CACNA1I: variants seen among roughly 807,000 people sequenced by gnomAD.
CACNA1I encodes voltage-dependent T-type calcium channel subunit alpha-1I.
In CACNA1I, 74 loss-of-function variants were observed where a neutral mutation model predicts 201.6. The observed-to-expected ratio is 0.37, with a 90% CI of 0.30 to 0.45. The LOEUF (loss-of-function observed/expected upper bound fraction) is 0.45, where lower values mean the gene tolerates loss of function less well. CACNA1I is among the 20% of genes least tolerant of loss of function. The pLI is 1.00. For synonymous variants in CACNA1I, 1,431 were observed against 1,345.2 expected, an observed-to-expected ratio of 1.06 and a Z score of -1.40; for missense variants, 2,346 against 3,138.1, an observed-to-expected ratio of 0.75 and a Z score of 6.03.
At chr22:39,674,610 C>T (rs1173739043) in intron 29 of CACNA1I, among the ~76,000 whole-genome samples, 1 of 152,142 alleles carries the variant, frequency 6.6e-6, no homozygotes, top group Non-Finnish European at 1.5e-5. Flanking sequence ...GTGATCAGGG[C>T]CACAGAGGGC....
chr22:39,634,484 T>G, intron 4 of CACNA1I, 81 bp from the exon 5 acceptor site: 2 of 1,392,988 alleles, frequency 1.4e-6, no homozygotes, highest in Non-Finnish European at 2.0e-6. Flanking sequence ...CCCTCCCTGT[T>G]TCTCTAACCT....
chr22:39,659,314 A>C lies in CACNA1I; in HGVS notation c.2331-119A>C. ...TCAGTGTTCATCTCTGTAAAATGGG[A>C]CCAACGCTGCCCCGCCTCCCCCTGC... On this transcript the variant is annotated intron_variant, in intron 12 of 36. Coordinates refer to ENST00000402142, the MANE Select transcript of CACNA1I (RefSeq NM_021096.4). The surrounding 1 kb of genome is among the most constrained non-coding windows in gnomAD (Gnocchi z 4.3). 1.1e-6 allele frequency: 1 copy of C among 929,016 alleles called. No homozygotes were observed. Among genetic ancestry groups the C allele is most frequent in the South Asian group, 1.6e-5 (1 of 63,780 alleles). 57.5% of individuals were successfully genotyped at this position (929,016 alleles called of 1,614,324 possible). A position where few individuals can be genotyped will look rare whatever the true frequency, so the allele number is the denominator to read the frequency against.
intron 3 of CACNA1I, among the ~76,000 whole-genome samples, chr22:39,618,930 C>T (rs2146392292): frequency 6.6e-6 from 1 of 152,202 alleles, no homozygotes; most frequent in African/African-American, 2.4e-5. Flanking sequence ...GGTGTGGAGC[C>T]GTTTGGTGCA....
intron 1 of CACNA1I, among the ~76,000 whole-genome samples, chr22:39,587,367 G>A (rs562521304): frequency 2.6e-5 from 4 of 152,164 alleles, no homozygotes; most frequent in Non-Finnish European, 5.9e-5. Flanking sequence ...GTTCCTTGTC[G>A]CTGGAGGCAT....
rs1172239558 is a variant in CACNA1I, at chr22:39,687,242, C to A, written c.*837C>A. ...AGCACTTCTGAGGGGGTGGGTTCCA[C>A]CCCCAGGAGGGCGGGGGTGGGTGGA... On this transcript the variant is annotated 3_prime_UTR_variant, in exon 37 of 37. Transcript: ENST00000402142. 6.6e-6 allele frequency: 1 copy of A among 152,276 alleles called. No homozygotes were observed. The highest frequency in any genetic ancestry group is 2.4e-5 in the African/African-American group (1 of 41,374). The allele number at this position is 152,276 out of a possible 1,614,324, so 9.4% of individuals were successfully genotyped here. A position where few individuals can be genotyped will look rare whatever the true frequency, so the allele number is the denominator to read the frequency against.
At chr22:39,597,614 G>A (rs971939609) in intron 1 of CACNA1I, among the ~76,000 whole-genome samples, 2 of 152,246 alleles carry the variant, frequency 1.3e-5, no homozygotes, top group Non-Finnish European at 2.9e-5. Flanking sequence ...TTGGAGTTAG[G>A]TGATGAGCCC....
intron 1 of CACNA1I, 29 bp downstream of exon 1, chr22:39,571,017 G>GC: frequency 6.3e-7 from 1 of 1,575,326 alleles, no homozygotes; most frequent in East Asian, 2.2e-5. Context: ...GCTGATCGGG[G>GC]CCCTGCAGGG....
intron 29 of CACNA1I, among the ~76,000 whole-genome samples, chr22:39,675,214 G>A (rs570780453): frequency 2.6e-5 from 4 of 152,326 alleles, no homozygotes; most frequent in Admixed American, 2.6e-4. Flanking sequence ...GTGAAGCATC[G>A]CTCCCTCAAG....
At chr22:39,650,057 G>A in intron 10 of CACNA1I, 132 bp downstream of exon 10, 1 of 976,016 alleles carries the variant, frequency 1.0e-6, no homozygotes, top group Non-Finnish European at 1.6e-6. Flanking sequence ...GGGCTGAGCT[G>A]GGTCCAGTTC....
Position 39,665,957 on chromosome 22 carries a change from C to T in CACNA1I, c.4055C>T (p.Ala1352Val). Residue 1352 changes from alanine to valine, a missense_variant, in exon 23 of 37, where the codon GCC becomes GTC. Transcript: ENST00000402142. The surrounding 1 kb of genome is among the most constrained non-coding windows in gnomAD (Gnocchi z 5.5). ...ACCAACCGCTCGGACTGCATGGCCG[C>T]CAACTACCGCTGGGTCCATCACAAA... ...NITNRSDCMAANYRWVHHKYN... is the reference protein window; with the variant it reads ...NITNRSDCMAVNYRWVHHKYN... 1 of 1,613,842 alleles carries T rather than the reference C, an allele frequency of 6.2e-7. No homozygotes were observed. The highest frequency in any genetic ancestry group is 8.5e-7 in the Non-Finnish European group (1 of 1,179,880).
intron 1 of CACNA1I, among the ~76,000 whole-genome samples, chr22:39,591,352 G>C (rs887065362): frequency 2.0e-5 from 3 of 150,740 alleles, no homozygotes; most frequent in Admixed American, 1.3e-4. Flanking sequence ...AGTAGAGACG[G>C]GGTTTCACCA....
rs545438178 is a variant in CACNA1I, at chr22:39,664,997, C to G, written c.3851+74C>G. The G allele has an allele frequency of 3.5e-5, 49 of 1,399,472 alleles. 1 individual carries two copies. The South Asian group carries it at 4.2e-4, about 12-fold the overall frequency. The allele number at this position is 1,399,472 out of a possible 1,614,324, so 86.7% of individuals were successfully genotyped here. On this transcript the variant is annotated intron_variant, in intron 21 of 36. Transcript: ENST00000402142. ...GAGAAGCCACGGGTCGAATTGGGCC[C>G]TCACTCCGCCCTCCCCGCCCGCCCA...
chr22:39,598,941 G>GTTTT (rs3044380), intron 2 of CACNA1I, among the ~76,000 whole-genome samples: 7,459 of 68,266 alleles, frequency 0.11, 1,209 homozygotes, highest in Middle Eastern at 0.14. Flanking sequence ...TGCCTCTTGG[G>GTTTT]TTTTTTTTTT....
At position 39,662,006 on chromosome 22, in the gene CACNA1I, C is replaced by G; in HGVS notation, c.2943C>G (p.Ser981Arg). 3 of 1,563,092 alleles carry G rather than the reference C, an allele frequency of 1.9e-6. No homozygotes were observed. Among genetic ancestry groups the G allele is most frequent in the Non-Finnish European group, 2.6e-6 (3 of 1,159,468 alleles). Reference protein sequence around the residue: ...RSSYYGPWGRSAAWASRRSSW... With the variant: ...RSSYYGPWGRRAAWASRRSSW... ...CCTACTACGGGCCATGGGGCCGCAGCGCGGCCTGGGCCAGCCGTCGCTCCA... is the reference window on the plus strand; with the variant it reads ...CCTACTACGGGCCATGGGGCCGCAGGGCGGCCTGGGCCAGCCGTCGCTCCA... Residue 981 changes from serine (S) to arginine (R), a missense_variant, in exon 17 of 37, where the codon AGC becomes AGG. This residue lies in a region of CACNA1I where 288 missense variants were observed against 255.2 expected (regional missense o/e 1.13). Coordinates refer to ENST00000402142, the MANE Select transcript of CACNA1I (RefSeq NM_021096.4).
Position 39,662,441 on chromosome 22 carries a change from T to C in CACNA1I, c.3372+6T>C. 7.0e-7 allele frequency: 1 copy of C among 1,424,774 alleles called. No homozygotes were observed. Among genetic ancestry groups the C allele is most frequent in the Non-Finnish European group, 9.1e-7 (1 of 1,096,416 alleles). 88.3% of individuals were successfully genotyped at this position (1,424,774 alleles called of 1,614,324 possible). On this transcript the variant is annotated splice_donor_region_variant and intron_variant, in intron 17 of 36. Coordinates refer to ENST00000402142, the MANE Select transcript of CACNA1I (RefSeq NM_021096.4). Reference sequence around the variant, plus strand: ...ATGAGGAGGAAATCGACTACGTGAGTGGGGGCGGGGCCGAAGGGGACCTGG... The same window carrying C: ...ATGAGGAGGAAATCGACTACGTGAGCGGGGGCGGGGCCGAAGGGGACCTGG...
chr22:39,646,432 T>C, intron 7 of CACNA1I, 137 bp from the exon 8 acceptor site: 1 of 1,351,094 alleles, frequency 7.4e-7, no homozygotes, highest in South Asian at 1.5e-5. Context: ...GCCATCTCCA[T>C]CTCCATCTCC....
Position 39,686,442 on chromosome 22 carries a change from C to A in CACNA1I, c.*37C>A. 8.3e-7 allele frequency: 1 copy of A among 1,199,260 alleles called. No individual in the cohort carries two copies. The highest frequency in any genetic ancestry group is 3.2e-5 in the South Asian group (1 of 31,734). The allele number at this position is 1,199,260 out of a possible 1,614,324, so 74.3% of individuals were successfully genotyped here. On this transcript the variant is annotated 3_prime_UTR_variant, in exon 37 of 37. Transcript: ENST00000402142. ...GCCCCCGGCCGCCCACCGCCCGCCCCGTCTCACCTTCTTTACCTCAGGAGC... is the reference window on the plus strand; with the variant it reads ...GCCCCCGGCCGCCCACCGCCCGCCCAGTCTCACCTTCTTTACCTCAGGAGC...
intron 1 of CACNA1I, among the ~76,000 whole-genome samples, chr22:39,580,810 G>A (rs1276159007): frequency 6.6e-6 from 1 of 152,184 alleles, no homozygotes; most frequent in Non-Finnish European, 1.5e-5. Context: ...AAAGACTGAG[G>A]CATAGAAACC....
intron 3 of CACNA1I, among the ~76,000 whole-genome samples, chr22:39,616,927 G>C (rs10212085): frequency 2.6e-5 from 4 of 152,126 alleles, no homozygotes; most frequent in Non-Finnish European, 4.4e-5. Context: ...AGACTGGGTG[G>C]GGAAGGTGGA....
Sources: gnomAD v4.1 joint callset for allele counts (sites outside exome capture counted in the v4.1 genomes callset) on GRCh38, gnomAD v4.1.1 for gene constraint, gnomAD v4.1.1 regional missense constraint, Gnocchi (gnomAD v3.1) non-coding constraint, MANE v1.5 for transcripts, NCBI Gene and HGNC (gene_info 2026-07-23, HGNC 2026-07-21) for gene names.